Variants in MEIOB observed in about 807,000 individuals in gnomAD.
MEIOB encodes the protein meiosis-specific with OB domain-containing protein.
In MEIOB, 50 loss-of-function variants were observed where a neutral mutation model predicts 53.1. The observed-to-expected ratio is 0.94, with a 90% CI of 0.75 to 1.19. The LOEUF (loss-of-function observed/expected upper bound fraction) is 1.19. MEIOB is among the 50% of genes most tolerant of loss of function. The pLI is 0.00. For synonymous variants in MEIOB, 192 were observed against 182.5 expected (o/e 1.05, Z -0.42); for missense variants, 551 against 550.8 (o/e 1.00, Z 0.00).
chr16:1,861,113 A>G (rs1432130369), intron 4 of MEIOB, among the ~76,000 whole-genome samples: 1 of 152,184 alleles, frequency 6.6e-6, no homozygotes, highest in Non-Finnish European at 1.5e-5. Context: ...AACAAGATTA[A>G]GAAATTTTCT....
intron 2 of MEIOB, 88 bp downstream of exon 2, chr16:1,868,019 G>A (rs1899636769): frequency 1.4e-5 from 10 of 710,668 alleles, no homozygotes; most frequent in Non-Finnish European, 1.5e-5. Flanking sequence ...AATTATAAAA[G>A]CATGTGTTGA....
intron 13 of MEIOB, among the ~76,000 whole-genome samples, chr16:1,835,891 ACT>A (rs1376712481): frequency 1.4e-5 from 2 of 144,828 alleles, no homozygotes; most frequent in Non-Finnish European, 3.0e-5. Context: ...ACACAGTCTC[ACT>A]CTGTCACCCA....
intron 6 of MEIOB, among the ~76,000 whole-genome samples, chr16:1,857,189 T>C (rs1419936884): frequency 6.6e-6 from 1 of 152,242 alleles, no homozygotes; most frequent in Admixed American, 6.5e-5. Context: ...CAGACGCTGA[T>C]GCACCAGAAG....
In MEIOB at chr16:1,862,004, G is replaced by A. The variant is rs1326309261; in HGVS notation, c.240C>T (p.Ser80=). The change falls in exon 4 of 14, where the codon AGC becomes AGT. Residue 80 remains serine (S), a synonymous_variant. Transcript: ENST00000325962. The part of the protein sequence containing the change: ...NEDYIKSLSD[S]FRVGDCVIIE... ...ACTTACCACAGTCACCAACCCTAAA[G>A]CTGTCAGAAAGAGACTTGATGTAAT... 2 of 1,551,190 alleles carry A rather than the reference G, an allele frequency of 1.3e-6. No homozygotes were observed. Among genetic ancestry groups the A allele is most frequent in the Admixed American group, 2.0e-5 (1 of 50,908 alleles).
At chr16:1,869,876 A>ATGTTT (rs1899695167) in intron 1 of MEIOB, among the ~76,000 whole-genome samples, 1 of 140,430 alleles carries the variant, frequency 7.1e-6, no homozygotes, top group Admixed American at 7.2e-5. Flanking sequence ...AAAGGTAGTG[A>ATGTTT]TTTTTTTTTT....
chr16:1,868,132 T>C lies in MEIOB; in HGVS notation c.44A>G (p.Asp15Gly). The C allele has an allele frequency of 6.5e-7, 1 of 1,534,410 alleles. No homozygotes were observed. Among genetic ancestry groups the C allele is most frequent in the African/African-American group, 1.4e-5 (1 of 72,966 alleles). ...CAGATTAGCCATATTTGTCTGCAGA[T>C]CTGAAAGGGTAGTGAAAATCCTCGC... Reference protein sequence around the residue: ...FAARIFTTLSDLQTNMANLKV... With the variant: ...FAARIFTTLSGLQTNMANLKV... The change falls in exon 2 of 14, where the codon GAT (aspartate) becomes GGT (glycine). Residue 15 changes from aspartate (D) to glycine (G), a missense_variant. Coordinates refer to ENST00000325962, the MANE Select transcript of MEIOB (RefSeq NM_001163560.3).
At chr16:1,865,565 G>A (rs1899571640) in intron 3 of MEIOB, among the ~76,000 whole-genome samples, 1 of 151,668 alleles carries the variant, frequency 6.6e-6, no homozygotes, top group African/African-American at 2.4e-5. Flanking sequence ...ACATATGTGT[G>A]TATGTATACA....
At chr16:1,840,893 C>G (rs1398917411) in intron 11 of MEIOB, 1 of 151,766 alleles carries the variant, frequency 6.6e-6, no homozygotes, top group Non-Finnish European at 1.5e-5. Flanking sequence ...AGGATTATCT[C>G]AATGAAAATT....
At chr16:1,865,465 ATACATATATACACACACGTG>A (rs1462917147) in intron 3 of MEIOB, among the ~76,000 whole-genome samples, 2 of 110,640 alleles carry the variant, frequency 1.8e-5, no homozygotes, top group East Asian at 5.2e-4. Context: ...GTACTCAAAT[ATACATATATACACACACGTG>A]TACACACATA....
chr16:1,870,292 C>T lies in MEIOB; in HGVS notation c.-10+1701G>A, dbSNP rs75617617. Among the ~76,000 whole-genome samples the T allele has an allele frequency of 7.0e-3, 1,066 of 152,218 alleles. 32 individuals carry two copies. The East Asian group carries it at 0.097, about 14-fold the overall frequency. The stretch of plus-strand genomic sequence containing the variant: ...CTGAAAACCATAAATATCAGATGAA[C>T]GAAATGGTGGTTTGTCCCTCAACAT... On this transcript the variant is annotated intron_variant, in intron 1 of 13. Transcript: ENST00000325962.
At chr16:1,846,895 G>A (rs1163054280) in intron 9 of MEIOB, among the ~76,000 whole-genome samples, 4 of 152,164 alleles carry the variant, frequency 2.6e-5, no homozygotes, top group African/African-American at 7.2e-5. Context: ...GGTGGTTCAC[G>A]CCTATAATCC....
chr16:1,839,866 G>A (rs1469046306), intron 11 of MEIOB: 1 of 155,040 alleles, frequency 6.4e-6, no homozygotes, highest in African/African-American at 2.4e-5. Context: ...CAGGAACTGT[G>A]TCTTGTGCCT....
chr16:1,855,216 G>A (rs950329229), intron 6 of MEIOB, among the ~76,000 whole-genome samples: 5 of 152,136 alleles, frequency 3.3e-5, no homozygotes, highest in African/African-American at 4.8e-5. Flanking sequence ...GGTGAATCAC[G>A]AGGTCAGGAG....
At chr16:1,837,674 A>C in intron 13 of MEIOB, 110 bp downstream of exon 13, 1 of 578,008 alleles carries the variant, frequency 1.7e-6, no homozygotes. Flanking sequence ...ACATCTGGGA[A>C]CTGGGCATTA....
At chr16:1,849,625 G>T (rs936564659) in intron 9 of MEIOB, among the ~76,000 whole-genome samples, 5 of 151,056 alleles carry the variant, frequency 3.3e-5, no homozygotes, top group Non-Finnish European at 7.4e-5. Flanking sequence ...TAACAAACCT[G>T]CATGTTCGGC....
intron 9 of MEIOB, 46 bp from the exon 10 acceptor site, chr16:1,845,009 T>C (rs1898996814): frequency 4.7e-6 from 4 of 843,968 alleles, no homozygotes; most frequent in Non-Finnish European, 5.8e-6. Context: ...CTGATTATCA[T>C]TTAAATCACA....
chr16:1,849,552 A>G (rs1389834128), intron 9 of MEIOB, among the ~76,000 whole-genome samples: 1 of 150,670 alleles, frequency 6.6e-6, no homozygotes, highest in Non-Finnish European at 1.5e-5. Flanking sequence ...TCTCAAAAAA[A>G]AAAAACACCT....
chr16:1,866,860 C>T lies in MEIOB; in HGVS notation c.70-1025G>A, dbSNP rs74002727. On this transcript the variant is annotated intron_variant, in intron 2 of 13. Transcript: ENST00000325962. Reference sequence around the variant, plus strand: ...TCTTGACATTTAAATTACAATCAGGCTTTTAAGACTCCTACATTCTAGCTG... The same window carrying T: ...TCTTGACATTTAAATTACAATCAGGTTTTTAAGACTCCTACATTCTAGCTG... 2.7e-3 allele frequency among the ~76,000 whole-genome samples: 411 copies of T among 152,252 alleles called. 1 individual carries two copies. Among genetic ancestry groups the T allele is most frequent in the Middle Eastern group, 0.01 (3 of 294 alleles).
chr16:1,855,202 G>A (rs1899270036), intron 6 of MEIOB, among the ~76,000 whole-genome samples: 2 of 152,190 alleles, frequency 1.3e-5, no homozygotes, highest in Non-Finnish European at 2.9e-5. Flanking sequence ...GGGAGGCCGA[G>A]GTGGGTGAAT....
Sources: allele counts gnomAD v4.1 joint callset (sites outside exome capture counted in the v4.1 genomes callset), GRCh38; gene constraint gnomAD v4.1.1; transcripts MANE v1.5; gene names NCBI Gene and HGNC (gene_info 2026-07-23, HGNC 2026-07-21).